Variants in KIZ observed in about 807,000 individuals in gnomAD.
KIZ encodes the protein kizuna centrosomal protein, also known as centrosomal protein kizuna.
In KIZ, 68 loss-of-function variants were observed where a neutral mutation model predicts 79.6. That is an observed-to-expected ratio of 0.85 (90% CI 0.70 to 1.05). The LOEUF (loss-of-function observed/expected upper bound fraction) is 1.05, where lower values mean the gene tolerates loss of function less well. KIZ is among the 50% of genes least tolerant of loss of function. KIZ has a pLI of 0.00. For missense variants in KIZ, 797 were observed against 800.4 expected, an observed-to-expected ratio of 1.00 and a Z score of 0.05; for synonymous variants, 280 against 281.8, an observed-to-expected ratio of 0.99 and a Z score of 0.06.
intron 2 of KIZ, among the ~76,000 whole-genome samples, chr20:21,133,554 C>G (rs373824914): frequency 6.6e-6 from 1 of 152,242 alleles, no homozygotes; most frequent in Admixed American, 6.5e-5. Flanking sequence ...GCCGTCAGTT[C>G]ACTGAGCTGC....
At chr20:21,143,083 C>T (rs975445011) in intron 3 of KIZ, among the ~76,000 whole-genome samples, 1 of 151,970 alleles carries the variant, frequency 6.6e-6, no homozygotes, top group African/African-American at 2.4e-5. Flanking sequence ...TAAAAGTTCA[C>T]GATCTAAGAG....
intron 11 of KIZ, among the ~76,000 whole-genome samples, chr20:21,238,372 GGT>G (rs759848545): frequency 8.2e-6 from 1 of 121,648 alleles, no homozygotes; most frequent in East Asian, 2.4e-4. Flanking sequence ...TGTGTGAGAG[GGT>G]GTGAGTGTGT....
chr20:21,172,789 T>C (rs775450050), intron 6 of KIZ, among the ~76,000 whole-genome samples: 7 of 152,326 alleles, frequency 4.6e-5, no homozygotes, highest in Non-Finnish European at 1.0e-4. Flanking sequence ...CCACTTAACC[T>C]CATCTGTTCT....
At chr20:21,204,268 A>G (rs1277205211) in intron 6 of KIZ, among the ~76,000 whole-genome samples, 2 of 150,162 alleles carry the variant, frequency 1.3e-5, no homozygotes, top group Non-Finnish European at 3.0e-5. Context: ...GGCGCCCGCC[A>G]CTACGCCCGG....
At chr20:21,137,630 G>T (rs914403947) in intron 3 of KIZ, among the ~76,000 whole-genome samples, 1 of 151,484 alleles carries the variant, frequency 6.6e-6, no homozygotes, top group Non-Finnish European at 1.5e-5. Context: ...CTTTGTATGT[G>T]TATTTTTTTT....
At chr20:21,242,006 G>A (rs758370460) in intron 11 of KIZ, among the ~76,000 whole-genome samples, 6 of 152,150 alleles carry the variant, frequency 3.9e-5, no homozygotes, top group Non-Finnish European at 8.8e-5. Flanking sequence ...ATGCCTTTAA[G>A]CAGGGCCCTA....
rs1414587250 is a variant in KIZ at position 21,231,909 on chromosome 20, C to G, written c.1784-825C>G. On this transcript the variant is annotated intron_variant, in intron 10 of 12. Coordinates refer to ENST00000619189, the MANE Select transcript of KIZ (RefSeq NM_018474.6). ...TAGTTTTCATGTCTGAAAAGACCTC[C>G]TCCTGGTAAGCATGTGGACACCCTC... 5.9e-5 allele frequency among the ~76,000 whole-genome samples: 9 copies of G among 152,320 alleles called. No individual in the cohort carries two copies. In the Middle Eastern group the frequency reaches 0.01, roughly 173 times the overall value.
intron 2 of KIZ, among the ~76,000 whole-genome samples, chr20:21,134,653 C>T (rs1209442789): frequency 1.4e-5 from 2 of 146,378 alleles, no homozygotes; most frequent in Admixed American, 6.8e-5. Flanking sequence ...TCTCATTCAT[C>T]TTTCAGGTTT....
At chr20:21,171,246 G>T (rs757958600) in intron 6 of KIZ, among the ~76,000 whole-genome samples, 1 of 152,108 alleles carries the variant, frequency 6.6e-6, no homozygotes, top group African/African-American at 2.4e-5. Flanking sequence ...TGAGATGTCT[G>T]TTCAGATCTG....
intron 11 of KIZ, among the ~76,000 whole-genome samples, chr20:21,235,372 ATTCT>A (rs1337610784): frequency 6.6e-6 from 1 of 152,216 alleles, no homozygotes; most frequent in Admixed American, 6.5e-5. Context: ...ATTATTAAAG[ATTCT>A]TTCAGTGTAA....
intron 6 of KIZ, among the ~76,000 whole-genome samples, chr20:21,165,819 T>C (rs1179646373): frequency 6.6e-6 from 1 of 152,206 alleles, no homozygotes; most frequent in Non-Finnish European, 1.5e-5. Context: ...CCTAATCAGA[T>C]GAGACTTTAA....
intron 11 of KIZ, among the ~76,000 whole-genome samples, chr20:21,242,752 C>T (rs1419876800): frequency 6.6e-6 from 1 of 152,128 alleles, no homozygotes; most frequent in African/African-American, 2.4e-5. Context: ...CACCCCGCCA[C>T]ACCTTGTTCC....
At chr20:21,142,045 A>G (rs1352500107) in intron 3 of KIZ, among the ~76,000 whole-genome samples, 1 of 147,852 alleles carries the variant, frequency 6.8e-6, no homozygotes, top group African/African-American at 2.5e-5. Flanking sequence ...CCACCCCCAT[A>G]TCTTCCCACT....
chr20:21,218,945 C>T (rs1462168292), intron 9 of KIZ, among the ~76,000 whole-genome samples: 3 of 152,134 alleles, frequency 2.0e-5, no homozygotes, highest in Non-Finnish European at 2.9e-5. Flanking sequence ...TAATTTTAGG[C>T]GCCCAGAAGT....
chr20:21,155,629 G>T (rs1044853572), intron 4 of KIZ, among the ~76,000 whole-genome samples: 1 of 152,132 alleles, frequency 6.6e-6, no homozygotes, highest in East Asian at 1.9e-4. Context: ...ACAACTCTGC[G>T]AATATACTAA....
In KIZ at chr20:21,205,533, G is replaced by A. The variant is rs780724084; in HGVS notation, c.1395G>A (p.Val465=). The A allele has an allele frequency of 1.3e-6, 2 of 1,571,934 alleles. No individual in the cohort carries two copies. The highest frequency in any genetic ancestry group is 1.8e-5 in the Admixed American group (1 of 56,544). ...ACTCAGACGTACCGAGGGCACAGGT[G>A]GGTCAGCATGTTGCCACCTTGAAAG... ...TPDSDVPRAQ[V]GQHVATLKEH... Residue 465 remains valine, a synonymous_variant, in exon 7 of 13, where the codon GTG becomes GTA. Coordinates refer to ENST00000619189, the MANE Select transcript of KIZ (RefSeq NM_018474.6).
chr20:21,198,395 T>C (rs9712507), intron 6 of KIZ: 1 of 152,220 alleles, frequency 6.6e-6, no homozygotes, highest in Non-Finnish European at 1.5e-5. Flanking sequence ...CTGCACTGTT[T>C]ACTAGCAGAG....
chr20:21,144,027 A>T (rs182889059), intron 3 of KIZ: 1 of 152,154 alleles, frequency 6.6e-6, no homozygotes, highest in Non-Finnish European at 1.5e-5. Context: ...TCTACAGTTG[A>T]GTGACTTTTT....
rs61333547 is a variant in KIZ at position 21,147,961 on chromosome 20, TTGTG to T, written c.405+2338_405+2341del. On this transcript the variant is annotated intron_variant, in intron 4 of 12. Coordinates refer to ENST00000619189, the MANE Select transcript of KIZ (RefSeq NM_018474.6). The stretch of plus-strand genomic sequence containing the variant: ...AAGAACTGAGATTTCCTCCTGGAAT[TTGTG>T]TGTGTGTGTGTGTGTGTGTGTGTGT... Among the ~76,000 whole-genome samples, 934 of 141,118 alleles carry T rather than the reference TTGTG, an allele frequency of 6.6e-3. 10 individuals are homozygous for T. The highest frequency in any genetic ancestry group is 0.032 in the Admixed American group (455 of 14,042). The allele number at this position is 141,118 out of a possible 152,430, so 92.6% of individuals were successfully genotyped here.
Sources: gnomAD v4.1 joint callset for allele counts (sites outside exome capture counted in the v4.1 genomes callset) on GRCh38, gnomAD v4.1.1 for gene constraint, MANE v1.5 for transcripts, NCBI Gene and HGNC (gene_info 2026-07-23, HGNC 2026-07-21) for gene names.